The following CRYZ variants were observed in gnomAD, a reference collection of about 807,000 sequenced individuals.
CRYZ encodes zeta-crystallin.
Under a neutral mutation model 34.1 loss-of-function variants are expected in CRYZ, and 35 were observed. The observed-to-expected ratio is 1.03, with a 90% CI of 0.78 to 1.36. The LOEUF is 1.36. Ranked by LOEUF, CRYZ falls within the 40% of genes most tolerant of loss-of-function variation. The probability of loss-of-function intolerance (pLI) is 0.00; values close to 1 mark genes in which losing one functional copy is unlikely to be tolerated. For missense variants in CRYZ, 403 were observed against 391.8 expected, an observed-to-expected ratio of 1.03 and a Z score of -0.24; for synonymous variants, 137 against 136.5, an observed-to-expected ratio of 1.00 and a Z score of -0.03.
chr1:74,709,952 AGTT>A, intron 6 of CRYZ, 143 bp downstream of exon 6: 4 of 629,456 alleles, frequency 6.4e-6, no homozygotes, highest in Non-Finnish European at 1.1e-5. Flanking sequence ...TTTTAAATAA[AGTT>A]TTAAAACACG....
chr1:74,727,367 G>C lies in CRYZ; in HGVS notation c.-13-2533C>G, dbSNP rs1212070224. Among the ~76,000 whole-genome samples the C allele has an allele frequency of 2.1e-5, 3 of 146,256 alleles. No homozygotes were observed. In the East Asian group the frequency reaches 6.0e-4, roughly 29 times the overall value. On this transcript the variant is annotated intron_variant, in intron 1 of 8. Coordinates refer to ENST00000340866, the MANE Select transcript of CRYZ (RefSeq NM_001889.4). ...ACAACTTGCATGGTGGCAGACAAGA[G>C]AGCATGTGCAGAGGAACTCCACTTT...
intron 8 of CRYZ, 73 bp downstream of exon 8, chr1:74,706,824 AAC>A: frequency 8.0e-7 from 1 of 1,248,362 alleles, no homozygotes. Context: ...CATCTATTCA[AAC>A]TTTCAGCTTG....
At chr1:74,715,737 T>G (rs961053494) in intron 4 of CRYZ, among the ~76,000 whole-genome samples, 25 of 151,982 alleles carry the variant, frequency 1.6e-4, no homozygotes, top group Non-Finnish European at 2.9e-5. Flanking sequence ...CCTCAAACAC[T>G]AAAGACACAT....
chr1:74,712,767 G>A (rs1266738573), intron 5 of CRYZ, among the ~76,000 whole-genome samples: 2 of 152,028 alleles, frequency 1.3e-5, no homozygotes, highest in African/African-American at 4.8e-5. Context: ...AAAAGCTAAC[G>A]TAACTACATC....
chr1:74,725,299 G>A (rs1479200978), intron 1 of CRYZ, among the ~76,000 whole-genome samples: 1 of 152,168 alleles, frequency 6.6e-6, no homozygotes, highest in Non-Finnish European at 1.5e-5. Context: ...ATTTATAAAG[G>A]AAACAGGTTT....
chr1:74,707,388 GC>G (rs1402665429), intron 6 of CRYZ, 184 bp from the exon 7 acceptor site: 3 of 469,480 alleles, frequency 6.4e-6, no homozygotes, highest in African/African-American at 6.2e-5. Context: ...CAAGGTACCA[GC>G]CAGAACATCT....
At chr1:74,716,044 C>A (rs1005285595) in intron 4 of CRYZ, among the ~76,000 whole-genome samples, 12 of 151,804 alleles carry the variant, frequency 7.9e-5, no homozygotes, top group African/African-American at 2.9e-4. Flanking sequence ...CTCCGATGAG[C>A]AAGAGTAAAT....
Position 74,719,246 on chromosome 1 carries a change from T to A in CRYZ, c.391A>T (p.Ile131Phe). The A allele has an allele frequency of 6.2e-7, 1 of 1,613,896 alleles. No homozygotes were observed. The highest frequency in any genetic ancestry group is 2.2e-5 in the East Asian group (1 of 44,878). ...GCTCGATAAGCAGTAAAATATGGAA[T>A]GCCGATGGCAGCTCCTTGTTTAAAG... is the stretch of plus-strand genomic sequence containing the variant. ...LDFKQGAAIG[I>F]PYFTAYRALI... The change falls in exon 4 of 9, where the codon ATT (isoleucine) becomes TTT (phenylalanine). Residue 131 changes from isoleucine (I) to phenylalanine (F), a missense_variant. By Grantham distance (21) the Ile-to-Phe change is conservative (BLOSUM62 0). Transcript: ENST00000340866.
intron 6 of CRYZ, chr1:74,708,098 C>A: frequency 6.6e-6 from 1 of 152,098 alleles, no homozygotes. Context: ...CTGAGTCAGT[C>A]TGGACCAAAG....
chr1:74,727,857 AC>A (rs1282803093), intron 1 of CRYZ, among the ~76,000 whole-genome samples: 2 of 152,232 alleles, frequency 1.3e-5, no homozygotes, highest in South Asian at 2.1e-4. Context: ...CATTTAAAAA[AC>A]CTAAACCATT....
chr1:74,715,692 C>T (rs1035684842), intron 4 of CRYZ, among the ~76,000 whole-genome samples: 1 of 152,044 alleles, frequency 6.6e-6, no homozygotes, highest in African/African-American at 2.4e-5. Flanking sequence ...GAAATACCTC[C>T]CAAAGAAATT....
intron 4 of CRYZ, among the ~76,000 whole-genome samples, chr1:74,718,448 A>T (rs1339343434): frequency 6.6e-6 from 1 of 152,098 alleles, no homozygotes; most frequent in African/African-American, 2.4e-5. Flanking sequence ...TAAGCTCTAT[A>T]ATCTGTCTTT....
intron 3 of CRYZ, among the ~76,000 whole-genome samples, chr1:74,721,685 C>A (rs896812143): frequency 6.6e-6 from 1 of 152,096 alleles, no homozygotes; most frequent in Non-Finnish European, 1.5e-5. Flanking sequence ...TAAGGGAAAG[C>A]GAGGAGTAAT....
chr1:74,725,085 C>T (rs957688826), intron 1 of CRYZ, among the ~76,000 whole-genome samples: 1 of 152,178 alleles, frequency 6.6e-6, no homozygotes, highest in Non-Finnish European at 1.5e-5. Flanking sequence ...CAAACAAAAA[C>T]ATCTGGATAG....
rs781072039 is a variant in CRYZ, at chr1:74,706,421, C to T, written c.865G>A (p.Gly289Arg). 8 of 1,610,588 alleles carry T rather than the reference C, an allele frequency of 5.0e-6. No homozygotes were observed. The South Asian group carries it at 8.9e-5, about 18-fold the overall frequency. The change falls in exon 9 of 9, where the codon GGA becomes AGA. Residue 289 changes from glycine to arginine, a missense_variant. Physicochemically the swap from Gly to Arg is moderately radical, Grantham distance 125. Coordinates refer to ENST00000340866, the MANE Select transcript of CRYZ (RefSeq NM_001889.4). ...FQQYAAALQA[G>R]MEIGWLKPVI... ...GGTTTCAACCAGCCAATTTCCATTCCAGCTTGAAGGGCTGCTGCATATTGC... is the reference window on the plus strand; with the variant it reads ...GGTTTCAACCAGCCAATTTCCATTCTAGCTTGAAGGGCTGCTGCATATTGC...
chr1:74,729,721 AATC>A (rs983443744), intron 1 of CRYZ, among the ~76,000 whole-genome samples: 33 of 152,244 alleles, frequency 2.2e-4, no homozygotes, highest in African/African-American at 7.7e-4. Flanking sequence ...ATAGTTCTAT[AATC>A]ATCTTTAATA....
intron 1 of CRYZ, among the ~76,000 whole-genome samples, chr1:74,725,476 C>A (rs1329351321): frequency 6.6e-6 from 1 of 152,164 alleles, no homozygotes; most frequent in Non-Finnish European, 1.5e-5. Context: ...GTCACTAGAA[C>A]AGCATGGGAA....
At chr1:74,722,984 G>T in intron 3 of CRYZ, 134 bp downstream of exon 3, 3 of 787,854 alleles carry the variant, frequency 3.8e-6, no homozygotes, top group South Asian at 1.8e-5. Context: ...TTTTTGACTA[G>T]AGGAGTCCCC....
Position 74,723,302 on chromosome 1 carries a change from A to G in CRYZ, c.112-32T>C, listed in dbSNP as rs759382540. The G allele has an allele frequency of 1.0e-5, 16 of 1,598,812 alleles. No individual in the cohort carries two copies. The South Asian group carries it at 1.8e-4, about 18-fold the overall frequency. On this transcript the variant is annotated intron_variant, in intron 2 of 8. Coordinates refer to ENST00000340866, the MANE Select transcript of CRYZ (RefSeq NM_001889.4). ...TGACAATGTATTTTAGTTCACAGAA[A>G]GAATTTAGGCATTCATTTAACTTTA...
Sources: allele counts gnomAD v4.1 joint callset (sites outside exome capture counted in the v4.1 genomes callset), GRCh38; gene constraint gnomAD v4.1.1; transcripts MANE v1.5; gene names NCBI Gene and HGNC (gene_info 2026-07-23, HGNC 2026-07-21).